Variants in RAPGEFL1 observed in about 807,000 individuals in gnomAD.
RAPGEFL1 encodes Rap guanine nucleotide exchange factor like 1.
A neutral mutation model predicts 64.4 loss-of-function variants in RAPGEFL1; 31 were observed. That is an observed-to-expected ratio of 0.48 (90% confidence interval 0.36 to 0.65). The LOEUF (loss-of-function observed/expected upper bound fraction) is 0.65. RAPGEFL1 is among the 30% of genes least tolerant of loss of function. RAPGEFL1 has a pLI of 0.00. For missense variants in RAPGEFL1, 682 were observed against 677.4 expected (o/e 1.01, Z -0.08); for synonymous variants, 331 against 274.1 (o/e 1.21, Z -2.05).
At chr17:40,186,538 G>A (rs1319685561) in intron 4 of RAPGEFL1, among the ~76,000 whole-genome samples, 8 of 123,260 alleles carry the variant, frequency 6.5e-5, no homozygotes, top group East Asian at 2.8e-4. Context: ...ACTGCAGTCC[G>A]CAGTCCGGCC....
At chr17:40,192,163 C>A in intron 10 of RAPGEFL1, 50 bp from the exon 11 acceptor site, 1 of 1,546,306 alleles carries the variant, frequency 6.5e-7, no homozygotes, top group Non-Finnish European at 8.9e-7. Context: ...TCCCATGTAA[C>A]CCAAGGAGCT....
At chr17:40,189,887 C>G (rs534480938) in intron 6 of RAPGEFL1, among the ~76,000 whole-genome samples, 1 of 151,150 alleles carries the variant, frequency 6.6e-6, no homozygotes, top group Non-Finnish European at 1.5e-5. Flanking sequence ...ACCGCGGAGG[C>G]GGAGGTTGCA....
rs1466536935 is a variant in RAPGEFL1, at chr17:40,178,086, G to A, written c.225G>A (p.Pro75=). 3.3e-6 allele frequency: 2 copies of A among 601,768 alleles called. No homozygotes were observed. Among genetic ancestry groups the A allele is most frequent in the Non-Finnish European group, 5.9e-6 (2 of 340,504 alleles). The allele number at this position is 601,768 out of a possible 1,614,324, so 37.3% of individuals were successfully genotyped here. The change falls in exon 1 of 15, where the codon CCG becomes CCA. Residue 75 remains proline, a synonymous_variant. Transcript: ENST00000620260. The stretch of plus-strand genomic sequence containing the variant: ...TCCTCCGGGAGCCCCCCGCCGAGCC[G>A]GGGCTGGAGCCGCCCCCTGAGGAGG... ...PAFLREPPAE[P]GLEPPPEEEG...
intron 4 of RAPGEFL1, among the ~76,000 whole-genome samples, chr17:40,187,470 A>T (rs1990113634): frequency 6.6e-6 from 1 of 151,902 alleles, no homozygotes; most frequent in Non-Finnish European, 1.5e-5. Context: ...CCCAGCATTC[A>T]ATACCCTTCC....
At chr17:40,189,404 C>T in intron 6 of RAPGEFL1, 29 bp downstream of exon 6, 1 of 1,610,686 alleles carries the variant, frequency 6.2e-7, no homozygotes, top group Non-Finnish European at 8.5e-7. Flanking sequence ...TGGGCTGATG[C>T]TCCGAGAGGA....
chr17:40,185,955 C>T (rs1219342442), intron 4 of RAPGEFL1, among the ~76,000 whole-genome samples: 1 of 147,656 alleles, frequency 6.8e-6, no homozygotes, highest in Admixed American at 6.8e-5. Flanking sequence ...CAGAGCGAGA[C>T]TCCGTCTCTA....
At position 40,188,598 on chromosome 17, in the gene RAPGEFL1, C is replaced by T. The variant is rs535515988; in HGVS notation, c.834-268C>T. Reference sequence around the variant, plus strand: ...TGAACATAAACATTATCCCAATGTTCTATAGTAGTTGAGAGAAGAAAGTGA... The same window carrying T: ...TGAACATAAACATTATCCCAATGTTTTATAGTAGTTGAGAGAAGAAAGTGA... On this transcript the variant is annotated intron_variant, in intron 4 of 14. Transcript: ENST00000620260. The T allele has an allele frequency of 6.2e-6, 3 of 483,756 alleles. No individual in the cohort carries two copies. In the Admixed American group the frequency reaches 1.0e-4, roughly 16 times the overall value. 30.0% of individuals were successfully genotyped at this position (483,756 alleles called of 1,614,324 possible). A position where few individuals can be genotyped will look rare whatever the true frequency, so the allele number is the denominator to read the frequency against.
intron 8 of RAPGEFL1, 118 bp downstream of exon 8, chr17:40,190,880 A>C: frequency 6.8e-7 from 1 of 1,461,436 alleles, no homozygotes; most frequent in South Asian, 1.3e-5. Flanking sequence ...GCCCTTGGGC[A>C]ACGCATGGCC....
Position 40,193,919 on chromosome 17 carries a change from G to A in RAPGEFL1, c.*131G>A, listed in dbSNP as rs1990370856. 3.1e-6 allele frequency: 4 copies of A among 1,278,708 alleles called. No individual in the cohort carries two copies. The South Asian group carries it at 5.7e-5, about 18-fold the overall frequency. The allele number at this position is 1,278,708 out of a possible 1,614,324, so 79.2% of individuals were successfully genotyped here. A position where few individuals can be genotyped will look rare whatever the true frequency, so the allele number is the denominator to read the frequency against. The stretch of plus-strand genomic sequence containing the variant: ...CCTGCTCCACGGGAAAGAGGTCGAT[G>A]GATTTACCCCTGGACCCATAAGTCT... On this transcript the variant is annotated 3_prime_UTR_variant, in exon 15 of 15. Coordinates refer to ENST00000620260, the MANE Select transcript of RAPGEFL1 (RefSeq NM_016339.6).
chr17:40,177,029 G>A, upstream of RAPGEFL1: 1 of 701,396 alleles, frequency 1.4e-6, no homozygotes, highest in East Asian at 2.7e-5. Flanking sequence ...TACCAGAGAG[G>A]ACAGATGGGC....
At chr17:40,187,558 C>T (rs748703952) in intron 4 of RAPGEFL1, among the ~76,000 whole-genome samples, 45 of 152,056 alleles carry the variant, frequency 3.0e-4, no homozygotes, top group Non-Finnish European at 4.1e-4. Context: ...CCTGCGCTCT[C>T]GAACTTCCCA....
intron 4 of RAPGEFL1, among the ~76,000 whole-genome samples, chr17:40,187,508 T>A (rs1266074020): frequency 6.6e-6 from 1 of 152,014 alleles, no homozygotes; most frequent in Non-Finnish European, 1.5e-5. Flanking sequence ...ATCCTTCCCA[T>A]CTCATCTCCT....
At chr17:40,186,788 G>A (rs1182266895) in intron 4 of RAPGEFL1, among the ~76,000 whole-genome samples, 1 of 150,626 alleles carries the variant, frequency 6.6e-6, no homozygotes, top group Admixed American at 6.6e-5. Flanking sequence ...CAGCTACACG[G>A]GAGGCTGAGG....
chr17:40,184,822 T>C (rs1377081948), intron 4 of RAPGEFL1, 144 bp downstream of exon 4: 7 of 603,680 alleles, frequency 1.2e-5, no homozygotes, highest in Non-Finnish European at 2.0e-5. Context: ...CTTTGTCGCC[T>C]AGGCTGGAGA....
chr17:40,189,687 C>T (rs529353436), intron 6 of RAPGEFL1, among the ~76,000 whole-genome samples: 257 of 152,306 alleles, frequency 1.7e-3, no homozygotes, highest in African/African-American at 5.9e-3. Context: ...CATAACAAGA[C>T]TCTGTCTCTA....
Position 40,188,954 on chromosome 17 carries a change from G to A in RAPGEFL1, c.922G>A (p.Val308Met). Residue 308 changes from valine (V) to methionine (M), a missense_variant, in exon 5 of 15, where the codon GTG becomes ATG. By Grantham distance (21) the Val-to-Met change is conservative. Around this residue, in one of 2 missense-constraint regions of RAPGEFL1, gnomAD observed 411 missense variants for 519.4 expected, o/e 0.79. Coordinates refer to ENST00000620260, the MANE Select transcript of RAPGEFL1 (RefSeq NM_016339.6). ...GATAGACTCCTGTCTGCAGACCCGG[G>A]TGGCCTTCCGGGGCTCTGATGAGAG... is the stretch of plus-strand genomic sequence containing the variant. Reference protein sequence around the residue: ...RRIDSCLQTRVAFRGSDEIFC... With the variant: ...RRIDSCLQTRMAFRGSDEIFC... 6.2e-7 allele frequency: 1 copy of A among 1,614,190 alleles called. No homozygotes were observed.
chr17:40,188,199 G>C (rs1380635481), intron 4 of RAPGEFL1, among the ~76,000 whole-genome samples: 1 of 152,090 alleles, frequency 6.6e-6, no homozygotes, highest in Non-Finnish European at 1.5e-5. Context: ...ACAGGTGTGA[G>C]CCACTGCACC....
At position 40,194,836 on chromosome 17, in the gene RAPGEFL1, G is replaced by A. The variant is rs1004394780; in HGVS notation, c.*1048G>A. The A allele has an allele frequency of 1.3e-5, 2 of 152,446 alleles. No homozygotes were observed. Among genetic ancestry groups the A allele is most frequent in the African/African-American group, 4.8e-5 (2 of 41,452 alleles). 9.4% of individuals were successfully genotyped at this position (152,446 alleles called of 1,614,324 possible). On this transcript the variant is annotated 3_prime_UTR_variant, in exon 15 of 15. Transcript: ENST00000620260. Reference sequence around the variant, plus strand: ...TTGTCCTCCCCATAGAGCTGGGGTGGGGTGGATCCCTATACCTGGGGCAGG... The same window carrying A: ...TTGTCCTCCCCATAGAGCTGGGGTGAGGTGGATCCCTATACCTGGGGCAGG...
intron 4 of RAPGEFL1, among the ~76,000 whole-genome samples, chr17:40,186,892 CAA>C (rs565969931): frequency 2.5e-4 from 16 of 65,208 alleles, no homozygotes; most frequent in African/African-American, 6.6e-4. Flanking sequence ...GACTCTGTCT[CAA>C]AAAAAAAAAA....
Sources: gnomAD v4.1 joint callset for allele counts (sites outside exome capture counted in the v4.1 genomes callset) on GRCh38, gnomAD v4.1.1 for gene constraint, gnomAD v4.1.1 regional missense constraint, MANE v1.5 for transcripts, NCBI Gene and HGNC (gene_info 2026-07-23, HGNC 2026-07-21) for gene names.